Variants in TSPAN14 observed in about 807,000 individuals in gnomAD.
TSPAN14 encodes tetraspanin 14, also known as tetraspanin-14.
A neutral mutation model predicts 36.6 loss-of-function variants in TSPAN14; 16 were observed. The observed-to-expected ratio is 0.44, with a 90% CI of 0.30 to 0.66. The LOEUF (loss-of-function observed/expected upper bound fraction) is 0.66. Among genes scored for constraint, TSPAN14 ranks in the 30% least tolerant of loss-of-function variants. TSPAN14 has a pLI of 0.12. For missense variants in TSPAN14, 231 were observed against 355.1 expected (o/e 0.65, Z 2.81); for synonymous variants, 139 against 143.8 (o/e 0.97, Z 0.24).
chr10:80,481,736 C>T (rs139414066), intron 1 of TSPAN14, among the ~76,000 whole-genome samples: 4 of 152,366 alleles, frequency 2.6e-5, no homozygotes, highest in African/African-American at 9.6e-5. Flanking sequence ...AGCGATTCTC[C>T]TGCCTCTGCC....
At position 80,509,260 on chromosome 10, in the gene TSPAN14, G is replaced by C. The variant is rs368953643; in HGVS notation, c.280-41G>C. 1.4e-4 allele frequency: 231 copies of C among 1,596,090 alleles called. 5 individuals are homozygous for C. The South Asian group carries it at 1.8e-3, about 12-fold the overall frequency. The stretch of plus-strand genomic sequence containing the variant: ...GGTTATGTGTGTGGGGGTGCAGGCT[G>C]GTGGGGTGGTGACTTCTGCTCCCGT... On this transcript the variant is annotated intron_variant, in intron 4 of 8. Coordinates refer to ENST00000429989, the Ensembl canonical transcript of TSPAN14. The surrounding 1 kb of genome is among the most constrained non-coding windows in gnomAD (Gnocchi z 4.7).
chr10:80,457,856 T>C (rs1215536173), intron 1 of TSPAN14, among the ~76,000 whole-genome samples: 3 of 152,254 alleles, frequency 2.0e-5, no homozygotes. Flanking sequence ...GTTTATTTCT[T>C]GTTCACACTG....
At chr10:80,489,502 G>T (rs1212219735) in intron 2 of TSPAN14, among the ~76,000 whole-genome samples, 188 bp downstream of exon 2, 2 of 152,232 alleles carry the variant, frequency 1.3e-5, no homozygotes, top group Admixed American at 1.3e-4. Flanking sequence ...AAAGGCCGAG[G>T]TGATTGAAAG....
intron 4 of TSPAN14, 148 bp downstream of exon 4, chr10:80,507,522 C>A: frequency 2.6e-6 from 3 of 1,133,654 alleles, no homozygotes; most frequent in Non-Finnish European, 2.5e-6. Flanking sequence ...CAGCCATTTG[C>A]ACTCTACTGT....
chr10:80,482,411 C>G (rs763757409), intron 1 of TSPAN14, among the ~76,000 whole-genome samples: 1 of 151,220 alleles, frequency 6.6e-6, no homozygotes, highest in South Asian at 2.1e-4. Context: ...CTCAACCTCC[C>G]GAGTAGCTGG....
intron 5 of TSPAN14, among the ~76,000 whole-genome samples, chr10:80,511,247 C>T (rs1051848109): frequency 1.3e-5 from 2 of 152,180 alleles, no homozygotes; most frequent in Non-Finnish European, 2.9e-5. Context: ...AAGGGGAGGG[C>T]AGAGGCCCCA....
At chr10:80,458,967 AT>A (rs112143030) in intron 1 of TSPAN14, among the ~76,000 whole-genome samples, 14,622 of 140,824 alleles carry the variant, frequency 0.1, 784 homozygotes, top group African/African-American at 0.16. Flanking sequence ...CAAGTCTTTG[AT>A]TTTTTTTTTT....
At chr10:80,517,502 C>T (rs1354767737) in intron 8 of TSPAN14, among the ~76,000 whole-genome samples, 7 of 152,212 alleles carry the variant, frequency 4.6e-5, no homozygotes, top group African/African-American at 1.4e-4. Flanking sequence ...ATGGAATCGA[C>T]GTTTACAGGA....
At chr10:80,472,228 C>CT (rs1589245779) in intron 1 of TSPAN14, among the ~76,000 whole-genome samples, 1 of 152,288 alleles carries the variant, frequency 6.6e-6, no homozygotes, top group East Asian at 1.9e-4. Flanking sequence ...ACCACAAACT[C>CT]TATGTTTCAG....
chr10:80,486,247 C>T (rs2132006108), intron 1 of TSPAN14, among the ~76,000 whole-genome samples: 1 of 152,356 alleles, frequency 6.6e-6, no homozygotes, highest in South Asian at 2.1e-4. Context: ...ATCCTTGCTC[C>T]AGAGCGCTGG....
rs1057445744 is a variant in TSPAN14, at chr10:80,477,586, T to TG, written c.-17-11630dup. 4.3e-4 allele frequency among the ~76,000 whole-genome samples: 66 copies of TG among 152,182 alleles called. 2 individuals carry two copies. Among genetic ancestry groups the TG allele is most frequent in the Admixed American group, 9.8e-4 (15 of 15,276 alleles). On this transcript the variant is annotated intron_variant, in intron 1 of 8. Transcript: ENST00000429989. The stretch of plus-strand genomic sequence containing the variant: ...AGGAGTGGATGGCATGAGATTTTTT[T>TG]GTGGGGGGAGGGGAACGTGGGCATC...
At chr10:80,516,618 A>T (rs906967472) in intron 8 of TSPAN14, among the ~76,000 whole-genome samples, 1 of 152,150 alleles carries the variant, frequency 6.6e-6, no homozygotes, top group Admixed American at 6.5e-5. Flanking sequence ...CAGAGGGCCC[A>T]ATGGGCTGCA....
Position 80,509,714 on chromosome 10 carries a change from C to G in TSPAN14, c.450+243C>G. 1 of 495,976 alleles carries G rather than the reference C, an allele frequency of 2.0e-6. No individual in the cohort carries two copies. Among genetic ancestry groups the G allele is most frequent in the Non-Finnish European group, 3.6e-6 (1 of 276,948 alleles). The allele number at this position is 495,976 out of a possible 1,614,324, so 30.7% of individuals were successfully genotyped here. On this transcript the variant is annotated intron_variant, in intron 5 of 8. Coordinates refer to ENST00000429989, the Ensembl canonical transcript of TSPAN14. The surrounding 1 kb of genome is among the most constrained non-coding windows in gnomAD (Gnocchi z 4.7). ...CAGGCAAGTCCAGCTGTACCCGAGGCCACCCACCCCCCACGTGCCCGGCCC... is the reference window on the plus strand; with the variant it reads ...CAGGCAAGTCCAGCTGTACCCGAGGGCACCCACCCCCCACGTGCCCGGCCC...
chr10:80,486,718 T>C (rs1847622467), intron 1 of TSPAN14, among the ~76,000 whole-genome samples: 1 of 152,176 alleles, frequency 6.6e-6, no homozygotes, highest in South Asian at 2.1e-4. Flanking sequence ...GGGATTGTCT[T>C]GTCCATAAAA....
At chr10:80,513,008 C>G (rs1840739964) in intron 6 of TSPAN14, among the ~76,000 whole-genome samples, 1 of 152,196 alleles carries the variant, frequency 6.6e-6, no homozygotes, top group Non-Finnish European at 1.5e-5. Context: ...AAGCAATTCT[C>G]CAGCCTCAAC....
chr10:80,466,400 C>A (rs144473869), intron 1 of TSPAN14: 1 of 152,182 alleles, frequency 6.6e-6, no homozygotes, highest in Admixed American at 6.5e-5. Flanking sequence ...ACCACAGGCA[C>A]GCATCACCAT....
intron 2 of TSPAN14, among the ~76,000 whole-genome samples, chr10:80,504,363 C>T (rs1023257528): frequency 3.3e-5 from 5 of 152,212 alleles, no homozygotes; most frequent in African/African-American, 1.2e-4. Flanking sequence ...CTGGGTCAGC[C>T]CTCCCAAGGG....
chr10:80,492,746 G>A (rs1005124154), intron 2 of TSPAN14, among the ~76,000 whole-genome samples: 9 of 152,042 alleles, frequency 5.9e-5, no homozygotes, highest in Non-Finnish European at 1.2e-4. Context: ...AACCCGGGAG[G>A]CGGAGCTTGC....
At chr10:80,476,860 G>A (rs1564718827) in intron 1 of TSPAN14, among the ~76,000 whole-genome samples, 1 of 152,276 alleles carries the variant, frequency 6.6e-6, no homozygotes, top group African/African-American at 2.4e-5. Flanking sequence ...AGAGGTCCAG[G>A]CCCAGCATAG....
Sources: allele counts gnomAD v4.1 joint callset (sites outside exome capture counted in the v4.1 genomes callset), GRCh38; gene constraint gnomAD v4.1.1; non-coding constraint Gnocchi (gnomAD v3.1); transcripts MANE v1.5; gene names NCBI Gene and HGNC (gene_info 2026-07-23, HGNC 2026-07-21).